Variants in XIRP2 observed in about 807,000 individuals in gnomAD.
XIRP2 encodes xin actin binding repeat containing 2, also known as xin actin-binding repeat-containing protein 2.
A neutral mutation model predicts 277.0 loss-of-function variants in XIRP2; 236 were observed. The observed-to-expected ratio is 0.85, with a 90% CI of 0.77 to 0.95. The LOEUF is 0.95. Among genes scored for constraint, XIRP2 ranks in the 40% least tolerant of loss-of-function variants. The pLI is 0.00. For missense variants in XIRP2, 4,640 were observed against 4,157.5 expected (o/e 1.12, Z -3.19); for synonymous variants, 1,490 against 1,416.5 (o/e 1.05, Z -1.17).
At chr2:167,078,109 A>G (rs1477571947) in intron 2 of XIRP2, among the ~76,000 whole-genome samples, 1 of 152,214 alleles carries the variant, frequency 6.6e-6, no homozygotes, top group Non-Finnish European at 1.5e-5. Context: ...CCAATCCATG[A>G]GCATGGAATG....
intron 2 of XIRP2, among the ~76,000 whole-genome samples, chr2:166,980,975 A>G (rs1048055893): frequency 2.0e-5 from 3 of 152,258 alleles, no homozygotes; most frequent in African/African-American, 7.2e-5. Context: ...CAACCCACGT[A>G]TGGTTAATAT....
chr2:167,025,133 C>A lies in XIRP2; in HGVS notation c.409-110776C>A, dbSNP rs181189491. On this transcript the variant is annotated intron_variant, in intron 2 of 10. Transcript: ENST00000409195. ...ATTGATTATTGCCACAATTTCAGAT[C>A]CTGTTATTGGTCTATTCAGAGATTC... is the stretch of plus-strand genomic sequence containing the variant. Among the ~76,000 whole-genome samples, 469 of 152,168 alleles carry A rather than the reference C, an allele frequency of 3.1e-3. 6 individuals carry two copies. Among genetic ancestry groups the A allele is most frequent in the African/African-American group, 0.011 (437 of 41,516 alleles).
intron 2 of XIRP2, among the ~76,000 whole-genome samples, chr2:166,920,504 CTTA>C (rs1685009294): frequency 1.3e-5 from 2 of 152,160 alleles, no homozygotes; most frequent in Admixed American, 1.3e-4. Context: ...ACCACATACT[CTTA>C]TTCTAAGATA....
chr2:167,188,903 T>A (rs1298597388), intron 3 of XIRP2, among the ~76,000 whole-genome samples: 3 of 152,194 alleles, frequency 2.0e-5, no homozygotes, highest in Admixed American at 6.5e-5. Context: ...TCTTTAATGA[T>A]CTCAGAGGCT....
At chr2:166,933,523 C>G (rs1685408470) in intron 2 of XIRP2, among the ~76,000 whole-genome samples, 1 of 151,258 alleles carries the variant, frequency 6.6e-6, no homozygotes, top group African/African-American at 2.4e-5. Flanking sequence ...TAAAATGTCT[C>G]TAGCCAAGAT....
chr2:167,090,469 A>C (rs141904656), intron 2 of XIRP2, among the ~76,000 whole-genome samples: 174 of 152,192 alleles, frequency 1.1e-3, no homozygotes, highest in Middle Eastern at 3.4e-3. Flanking sequence ...TCTGATGGTA[A>C]TATATGCTTT....
chr2:166,943,750 A>G (rs1293358908), intron 2 of XIRP2, among the ~76,000 whole-genome samples: 2 of 152,232 alleles, frequency 1.3e-5, no homozygotes, highest in Non-Finnish European at 2.9e-5. Context: ...TTTTTTGAAA[A>G]TCTTTCATTG....
Position 167,217,283 on chromosome 2 carries a change from T to TAAAA in XIRP2, c.724-874_724-871dup, listed in dbSNP as rs201024264. On this transcript the variant is annotated intron_variant, in intron 4 of 10. Coordinates refer to ENST00000409195, the MANE Select transcript of XIRP2 (RefSeq NM_152381.6). ...ATGTACCCTAAAACTTAAAGTATAA[T>TAAAA]AAAAAAAAAAAAGAAAAAAAAATTA... 8.0e-5 allele frequency among the ~76,000 whole-genome samples: 11 copies of TAAAA among 137,036 alleles called. 1 individual carries two copies. The South Asian group carries it at 2.3e-3, about 28-fold the overall frequency. 89.9% of individuals were successfully genotyped at this position (137,036 alleles called of 152,430 possible).
intron 2 of XIRP2, among the ~76,000 whole-genome samples, chr2:167,125,680 G>A (rs6743737): frequency 0.25 from 37,570 of 152,096 alleles, 6,480 homozygotes; most frequent in African/African-American, 0.48. Flanking sequence ...GTATTTCTGA[G>A]TAGGAAAGTT....
chr2:166,960,969 A>G (rs1359960321), intron 2 of XIRP2, among the ~76,000 whole-genome samples: 2 of 151,754 alleles, frequency 1.3e-5, no homozygotes, highest in African/African-American at 4.8e-5. Flanking sequence ...GCTCAGTTTA[A>G]GTATCATCAT....
At chr2:166,937,719 T>C (rs1685561133) in intron 2 of XIRP2, among the ~76,000 whole-genome samples, 1 of 152,202 alleles carries the variant, frequency 6.6e-6, no homozygotes, top group South Asian at 2.1e-4. Context: ...TGAATCCATC[T>C]GGTCCTGGAC....
At chr2:167,017,323 C>T (rs187662520) in intron 2 of XIRP2, among the ~76,000 whole-genome samples, 5 of 151,878 alleles carry the variant, frequency 3.3e-5, no homozygotes, top group Non-Finnish European at 7.4e-5. Context: ...GGTTGCATAA[C>T]TAAAAATTTT....
At chr2:166,994,922 CTT>C (rs58470341) in intron 2 of XIRP2, among the ~76,000 whole-genome samples, 2 of 145,954 alleles carry the variant, frequency 1.4e-5, no homozygotes, top group African/African-American at 5.0e-5. Context: ...GCTTTGACTT[CTT>C]TTTTTTTTTG....
At chr2:167,211,609 A>G (rs1425280452) in intron 4 of XIRP2, among the ~76,000 whole-genome samples, 1 of 152,218 alleles carries the variant, frequency 6.6e-6, no homozygotes, top group Admixed American at 6.5e-5. Context: ...AAATTTTAAT[A>G]ACATGGGTTT....
At chr2:166,947,189 C>G (rs1685897490) in intron 2 of XIRP2, among the ~76,000 whole-genome samples, 1 of 152,132 alleles carries the variant, frequency 6.6e-6, no homozygotes, top group Non-Finnish European at 1.5e-5. Context: ...ATTTAAAACA[C>G]TTTTGACTTT....
At chr2:167,089,391 T>C (rs965811761) in intron 2 of XIRP2, among the ~76,000 whole-genome samples, 1 of 152,148 alleles carries the variant, frequency 6.6e-6, no homozygotes, top group East Asian at 1.9e-4. Context: ...AGCAATTAGC[T>C]CAGCTCACAA....
At chr2:167,175,113 T>C (rs1692801466) in intron 3 of XIRP2, among the ~76,000 whole-genome samples, 1 of 152,164 alleles carries the variant, frequency 6.6e-6, no homozygotes, top group South Asian at 2.1e-4. Flanking sequence ...TGTCCAGAGC[T>C]GAGTTCAAGT....
chr2:167,254,326 G>A (rs564185303), intron 10 of XIRP2, among the ~76,000 whole-genome samples, 161 bp downstream of exon 10: 97 of 151,974 alleles, frequency 6.4e-4, no homozygotes, highest in African/African-American at 2.1e-3. Flanking sequence ...GTATTTCTGC[G>A]ACCTTTTTCC....
intron 3 of XIRP2, among the ~76,000 whole-genome samples, chr2:167,192,947 G>C (rs1241972924): frequency 6.6e-6 from 1 of 152,078 alleles, no homozygotes; most frequent in African/African-American, 2.4e-5. Context: ...TCTGAGTCCT[G>C]GAGGACTCAA....
Sources: allele counts gnomAD v4.1 joint callset (sites outside exome capture counted in the v4.1 genomes callset), GRCh38; gene constraint gnomAD v4.1.1; transcripts MANE v1.5; gene names NCBI Gene and HGNC (gene_info 2026-07-23, HGNC 2026-07-21).